The following ST18 variants were observed in gnomAD, a reference collection of about 807,000 sequenced individuals.
ST18 encodes the protein suppression of tumorigenicity 18 protein.
In ST18, 50 loss-of-function variants were observed where a neutral mutation model predicts 110.0. The ratio of observed to expected loss-of-function variants is 0.45; its 90% CI spans 0.36 to 0.58. ST18 has a LOEUF of 0.58. Ranked by LOEUF, ST18 falls within the 20% of genes least tolerant of loss-of-function variation. The probability of loss-of-function intolerance (pLI) is 0.00; values close to 1 mark genes in which losing one functional copy is unlikely to be tolerated. For missense variants in ST18, 1,306 were observed against 1,280.1 expected, an observed-to-expected ratio of 1.02 and a Z score of -0.31; for synonymous variants, 461 against 452.4, an observed-to-expected ratio of 1.02 and a Z score of -0.24.
chr8:52,218,868 G>A (rs1588713386), intron 5 of ST18, among the ~76,000 whole-genome samples: 1 of 147,744 alleles, frequency 6.8e-6, no homozygotes, highest in East Asian at 2.1e-4. Flanking sequence ...GGGACTCACA[G>A]CAATGGTGGG....
chr8:52,367,661 A>G (rs565827149), intron 2 of ST18, among the ~76,000 whole-genome samples: 5 of 152,210 alleles, frequency 3.3e-5, no homozygotes, highest in Non-Finnish European at 7.3e-5. Context: ...AAACTGTTCA[A>G]CCCATACACC....
At chr8:52,404,936 A>C (rs914355734) in intron 2 of ST18, 2 of 152,196 alleles carry the variant, frequency 1.3e-5, no homozygotes, top group African/African-American at 4.8e-5. Context: ...TTACTATTTA[A>C]CCAGTCGATA....
intron 2 of ST18, among the ~76,000 whole-genome samples, chr8:52,268,185 G>A (rs540649680): frequency 1.3e-5 from 2 of 152,300 alleles, no homozygotes; most frequent in Admixed American, 6.5e-5. Context: ...GCAACTGAGT[G>A]GTAATGAAGA....
chr8:52,267,392 T>C (rs2094907179), intron 2 of ST18, among the ~76,000 whole-genome samples: 1 of 149,412 alleles, frequency 6.7e-6, no homozygotes, highest in African/African-American at 2.5e-5. Flanking sequence ...TGCAATAAAT[T>C]GGAATGTTGG....
chr8:52,192,626 A>C (rs897502143), intron 8 of ST18, among the ~76,000 whole-genome samples: 3 of 152,230 alleles, frequency 2.0e-5, no homozygotes, highest in African/African-American at 7.2e-5. Flanking sequence ...CCAAATAAAA[A>C]ATCATTACAG....
At chr8:52,223,637 C>G (rs1353702678) in intron 3 of ST18, among the ~76,000 whole-genome samples, 1 of 139,980 alleles carries the variant, frequency 7.1e-6, no homozygotes, top group Non-Finnish European at 1.5e-5. Flanking sequence ...GAGTGAGACT[C>G]TGTCTCAAAA....
At chr8:52,354,121 G>A (rs561826746) in intron 2 of ST18, among the ~76,000 whole-genome samples, 1 of 152,360 alleles carries the variant, frequency 6.6e-6, no homozygotes, top group Non-Finnish European at 1.5e-5. Context: ...AGCCAGGACC[G>A]AGTTATGTGC....
chr8:52,239,821 TCTCA>T (rs1310071389), intron 2 of ST18, among the ~76,000 whole-genome samples: 7 of 152,048 alleles, frequency 4.6e-5, no homozygotes, highest in Middle Eastern at 6.8e-3. Context: ...TTGAGACAGG[TCTCA>T]CTCTGTCACC....
In ST18 at chr8:52,409,338, C is replaced by T. The variant is rs1390469664; in HGVS notation, c.-475G>A. 6.6e-6 allele frequency: 1 copy of T among 152,196 alleles called. No homozygotes were observed. The highest frequency in any genetic ancestry group is 2.4e-5 in the African/African-American group (1 of 41,444). 9.4% of individuals were successfully genotyped at this position (152,196 alleles called of 1,614,324 possible). On this transcript the variant is annotated 5_prime_UTR_variant, in exon 2 of 26. Transcript: ENST00000689386. ...AATATTTTTTCTTACCTTTACCTGG[C>T]GAACGTCTACAGGTGTGTCGAAAGT... is the stretch of plus-strand genomic sequence containing the variant.
chr8:52,358,750 C>A lies in ST18; in HGVS notation c.-465+50578G>T, dbSNP rs544529643. ...CTACCACTAAAGACTAAGCCAATAT[C>A]AGTGAATTGGCCTGGTGAATTCTAC... On this transcript the variant is annotated intron_variant, in intron 2 of 25. Coordinates refer to ENST00000689386, the MANE Select transcript of ST18 (RefSeq NM_001352837.2). 7.2e-5 allele frequency among the ~76,000 whole-genome samples: 11 copies of A among 151,928 alleles called. No homozygotes were observed. In the East Asian group the frequency reaches 2.1e-3, roughly 29 times the overall value.
chr8:52,337,833 T>A (rs1283662610), intron 2 of ST18, among the ~76,000 whole-genome samples: 1 of 152,198 alleles, frequency 6.6e-6, no homozygotes, highest in Middle Eastern at 3.2e-3. Flanking sequence ...CCAGTGGTCA[T>A]GAAGAATGGC....
At chr8:52,266,413 G>A (rs76014070) in intron 2 of ST18, among the ~76,000 whole-genome samples, 3,947 of 152,168 alleles carry the variant, frequency 0.026, 79 homozygotes, top group Non-Finnish European at 0.041. Context: ...TAGAGAGAGG[G>A]TATGGTAACA....
intron 2 of ST18, among the ~76,000 whole-genome samples, chr8:52,292,167 C>T (rs567690678): frequency 6.6e-6 from 1 of 152,344 alleles, no homozygotes; most frequent in Admixed American, 6.5e-5. Context: ...ACTGATACCA[C>T]TTCTGGGGCT....
chr8:52,200,687 A>G (rs1473274281), intron 8 of ST18, among the ~76,000 whole-genome samples: 3 of 152,170 alleles, frequency 2.0e-5, no homozygotes. Context: ...TTAGGGGCCT[A>G]GTGACAGCAG....
chr8:52,155,201 C>CA (rs3030253), intron 15 of ST18, among the ~76,000 whole-genome samples: 34,372 of 132,966 alleles, frequency 0.26, 4,288 homozygotes, highest in African/African-American at 0.34. Flanking sequence ...GACTCTGTCT[C>CA]AAAAAAAAAA....
chr8:52,256,572 A>G (rs1479403262), intron 2 of ST18, among the ~76,000 whole-genome samples: 1 of 152,136 alleles, frequency 6.6e-6, no homozygotes, highest in Non-Finnish European at 1.5e-5. Context: ...AGAGAACTTA[A>G]TCTCCACATG....
At chr8:52,300,544 T>C (rs1192408199) in intron 2 of ST18, among the ~76,000 whole-genome samples, 1 of 152,202 alleles carries the variant, frequency 6.6e-6, no homozygotes, top group East Asian at 1.9e-4. Flanking sequence ...GACAGAATTA[T>C]GGGCCCAATC....
chr8:52,207,209 G>A (rs1479650179), intron 8 of ST18, among the ~76,000 whole-genome samples: 3 of 152,186 alleles, frequency 2.0e-5, no homozygotes, highest in African/African-American at 7.2e-5. Context: ...AACTAGGCCA[G>A]GCATGGTGGC....
At chr8:52,206,112 C>T (rs756027349) in intron 8 of ST18, among the ~76,000 whole-genome samples, 1 of 152,112 alleles carries the variant, frequency 6.6e-6, no homozygotes, top group Non-Finnish European at 1.5e-5. Flanking sequence ...CTGATTCAGT[C>T]GCTTCCCTGT....
Sources: gnomAD v4.1 joint callset for allele counts (sites outside exome capture counted in the v4.1 genomes callset) on GRCh38, gnomAD v4.1.1 for gene constraint, MANE v1.5 for transcripts, NCBI Gene and HGNC (gene_info 2026-07-23, HGNC 2026-07-21) for gene names.